The following TAF3 variants were observed in gnomAD, a reference collection of about 807,000 sequenced individuals.
The protein encoded by TAF3 is TATA-box binding protein associated factor 3, also known as transcription initiation factor TFIID subunit 3.
A neutral mutation model predicts 80.6 loss-of-function variants in TAF3; 7 were observed. That is an observed-to-expected ratio of 0.09 (90% CI 0.05 to 0.16). TAF3 has a LOEUF of 0.16. Ranked by LOEUF, TAF3 falls within the 10% of genes least tolerant of loss-of-function variation. The probability of loss-of-function intolerance (pLI) is 1.00; values close to 1 mark genes in which losing one functional copy is unlikely to be tolerated. For missense variants in TAF3, 921 were observed against 1,140.2 expected (o/e 0.81, Z 2.77); for synonymous variants, 444 against 446.1 (o/e 1.00, Z 0.06).
chr10:8,014,092 A>G (rs1372084696), intron 6 of TAF3, among the ~76,000 whole-genome samples: 1 of 145,116 alleles, frequency 6.9e-6, no homozygotes, highest in African/African-American at 2.4e-5. Flanking sequence ...AAATAATAAT[A>G]CTAAAAGGAG....
chr10:7,999,577 A>T (rs1831923852), intron 4 of TAF3, among the ~76,000 whole-genome samples: 1 of 151,076 alleles, frequency 6.6e-6, no homozygotes, highest in South Asian at 2.1e-4. Flanking sequence ...CCGCCCCAGC[A>T]TCTCAAGTAG....
intron 2 of TAF3, among the ~76,000 whole-genome samples, chr10:7,896,815 C>T (rs1034976123): frequency 6.6e-6 from 1 of 152,170 alleles, no homozygotes; most frequent in Non-Finnish European, 1.5e-5. Flanking sequence ...TGTGGTTCAT[C>T]TAGATTCTCT....
intron 2 of TAF3, among the ~76,000 whole-genome samples, chr10:7,857,503 C>T (rs1837093067): frequency 6.6e-6 from 1 of 152,144 alleles, no homozygotes; most frequent in Non-Finnish European, 1.5e-5. Context: ...ACACAGTCTT[C>T]GGAGTGTGGA....
rs1488911998 is a variant in TAF3 at position 7,954,812 on chromosome 10, A to C, written c.410-9108A>C. 2.1e-5 allele frequency among the ~76,000 whole-genome samples: 3 copies of C among 140,420 alleles called. No individual in the cohort carries two copies. The East Asian group carries it at 7.1e-4, about 33-fold the overall frequency. The allele number at this position is 140,420 out of a possible 152,430, so 92.1% of individuals were successfully genotyped here. ...CCCTCCATAGGCGAATGAGTGAATTAGTTCTAGTTAACACAGAGCTCTCCA... is the reference window on the plus strand; with the variant it reads ...CCCTCCATAGGCGAATGAGTGAATTCGTTCTAGTTAACACAGAGCTCTCCA... On this transcript the variant is annotated intron_variant, in intron 2 of 6. Transcript: ENST00000344293.
chr10:7,999,772 A>G (rs1831925612), intron 4 of TAF3, among the ~76,000 whole-genome samples: 1 of 152,112 alleles, frequency 6.6e-6, no homozygotes, highest in Admixed American at 6.5e-5. Context: ...GTATTACTTT[A>G]TGTACGAAAA....
intron 2 of TAF3, among the ~76,000 whole-genome samples, chr10:7,892,550 T>C (rs1423354629): frequency 6.6e-6 from 1 of 152,216 alleles, no homozygotes; most frequent in Non-Finnish European, 1.5e-5. Flanking sequence ...TATCTTTCAA[T>C]ATATTAACAT....
At chr10:7,830,950 G>A (rs1836793804) in intron 2 of TAF3, among the ~76,000 whole-genome samples, 1 of 152,226 alleles carries the variant, frequency 6.6e-6, no homozygotes, top group African/African-American at 2.4e-5. Context: ...TTGGCAGCAA[G>A]AATCTGAGGC....
intron 2 of TAF3, among the ~76,000 whole-genome samples, chr10:7,853,355 G>A (rs1449317032): frequency 6.6e-6 from 1 of 152,106 alleles, no homozygotes; most frequent in Non-Finnish European, 1.5e-5. Flanking sequence ...CTTGAAATTG[G>A]CCATTGTAGG....
intron 2 of TAF3, among the ~76,000 whole-genome samples, chr10:7,927,157 T>C (rs1837824165): frequency 6.6e-6 from 1 of 152,244 alleles, no homozygotes; most frequent in African/African-American, 2.4e-5. Context: ...GTTAATGTTA[T>C]ATACTCATCT....
chr10:7,952,807 G>A (rs1838095411), intron 2 of TAF3, among the ~76,000 whole-genome samples: 2 of 152,064 alleles, frequency 1.3e-5, no homozygotes, highest in Non-Finnish European at 2.9e-5. Context: ...CATTTTTTAA[G>A]TAAACAGGTT....
chr10:7,971,677 C>G (rs1017642210), intron 3 of TAF3, among the ~76,000 whole-genome samples: 6 of 152,074 alleles, frequency 3.9e-5, no homozygotes, highest in African/African-American at 1.4e-4. Context: ...TGCTTCAAGT[C>G]AGGATTTTAA....
chr10:7,919,745 A>G, intron 2 of TAF3, among the ~76,000 whole-genome samples: 1 of 152,236 alleles, frequency 6.6e-6, no homozygotes, highest in Non-Finnish European at 1.5e-5. Context: ...TACTGTTTTT[A>G]TTGCTATTAT....
chr10:7,935,041 C>T (rs1837903475), intron 2 of TAF3, among the ~76,000 whole-genome samples: 1 of 152,054 alleles, frequency 6.6e-6, no homozygotes, highest in South Asian at 2.1e-4. Context: ...CTTCTGGAGG[C>T]CAAGGACGGT....
At chr10:7,954,373 C>G (rs1405217323) in intron 2 of TAF3, among the ~76,000 whole-genome samples, 1 of 106,334 alleles carries the variant, frequency 9.4e-6, no homozygotes, top group Non-Finnish European at 2.0e-5. Flanking sequence ...TAGTGAGATT[C>G]AGAGTGCACT....
intron 5 of TAF3, 109 bp from the exon 6 acceptor site, chr10:8,013,622 T>A: frequency 1.3e-6 from 1 of 762,794 alleles, no homozygotes; most frequent in Non-Finnish European, 2.2e-6. Flanking sequence ...TTTAGTTTAA[T>A]ATGCCTGTTT....
chr10:7,865,531 A>AGCTGCC (rs1320160554), intron 2 of TAF3, among the ~76,000 whole-genome samples: 1 of 152,126 alleles, frequency 6.6e-6, no homozygotes, highest in Non-Finnish European at 1.5e-5. Context: ...TAGGGGAGCA[A>AGCTGCC]GCTGCCTAGA....
chr10:7,989,792 A>T (rs146613991), intron 4 of TAF3, among the ~76,000 whole-genome samples: 1 of 152,278 alleles, frequency 6.6e-6, no homozygotes, highest in African/African-American at 2.4e-5. Context: ...GCAGAGAATG[A>T]TTGTTAGTTA....
intron 2 of TAF3, among the ~76,000 whole-genome samples, chr10:7,832,701 C>T (rs1051226846): frequency 1.3e-5 from 2 of 152,078 alleles, no homozygotes; most frequent in Non-Finnish European, 2.9e-5. Flanking sequence ...AGGTGCCCAC[C>T]ACCACACCCG....
chr10:7,977,649 A>C (rs1302999956), intron 4 of TAF3, among the ~76,000 whole-genome samples: 1 of 152,202 alleles, frequency 6.6e-6, no homozygotes, highest in East Asian at 1.9e-4. Context: ...TTACTGCCAC[A>C]TTACACCCAG....
Sources: allele counts gnomAD v4.1 joint callset (sites outside exome capture counted in the v4.1 genomes callset), GRCh38; gene constraint gnomAD v4.1.1; transcripts MANE v1.5; gene names NCBI Gene and HGNC (gene_info 2026-07-23, HGNC 2026-07-21).